CKAP2: variants seen among roughly 807,000 people sequenced by gnomAD.
CKAP2 encodes the protein cytoskeleton associated protein 2.
In CKAP2, 46 loss-of-function variants were observed where a neutral mutation model predicts 58.4. The observed-to-expected ratio is 0.79, with a 90% confidence interval of 0.62 to 1.01. The LOEUF is 1.01. Ranked by LOEUF, CKAP2 falls within the 50% of genes least tolerant of loss-of-function variation. The pLI, the probability that CKAP2 is intolerant of heterozygous loss-of-function variation, is 0.00. For synonymous variants in CKAP2, 293 were observed against 280.9 expected, an observed-to-expected ratio of 1.04 and a Z score of -0.43; for missense variants, 809 against 796.4, an observed-to-expected ratio of 1.02 and a Z score of -0.19.
At chr13:52,472,396 C>G (rs1028430992) in intron 7 of CKAP2, among the ~76,000 whole-genome samples, 1 of 152,190 alleles carries the variant, frequency 6.6e-6, no homozygotes, top group African/African-American at 2.4e-5. Flanking sequence ...ATTCTTTTCT[C>G]TCCTTCAGCT....
intron 2 of CKAP2, among the ~76,000 whole-genome samples, chr13:52,459,872 C>CT (rs932838643): frequency 4.6e-5 from 7 of 151,868 alleles, no homozygotes; most frequent in South Asian, 2.1e-4. Context: ...AACTAACGTT[C>CT]TTTTTTTTGA....
intron 7 of CKAP2, among the ~76,000 whole-genome samples, chr13:52,469,589 A>ATTTTTTTT (rs200067668): frequency 7.1e-6 from 1 of 140,140 alleles, no homozygotes; most frequent in Non-Finnish European, 1.6e-5. Flanking sequence ...TTATTTATTT[A>ATTTTTTTT]TTTATTTATT....
At chr13:52,459,698 A>G (rs1958540175) in intron 2 of CKAP2, among the ~76,000 whole-genome samples, 1 of 152,082 alleles carries the variant, frequency 6.6e-6, no homozygotes, top group Non-Finnish European at 1.5e-5. Flanking sequence ...CTTAAAATCA[A>G]TGGCATGTCT....
chr13:52,471,356 CAT>C (rs1169004421), intron 7 of CKAP2, among the ~76,000 whole-genome samples: 1 of 152,104 alleles, frequency 6.6e-6, no homozygotes, highest in East Asian at 1.9e-4. Flanking sequence ...TAGCAGGTAT[CAT>C]TAGTCTTTAG....
intron 6 of CKAP2, among the ~76,000 whole-genome samples, chr13:52,466,181 A>G (rs1368261519): frequency 6.6e-6 from 1 of 152,134 alleles, no homozygotes; most frequent in African/African-American, 2.4e-5. Flanking sequence ...CTTCTAGCGT[A>G]TTGATACACA....
In CKAP2 at chr13:52,462,495, A is replaced by C. The variant is rs767887956; in HGVS notation, c.1233A>C (p.Glu411Asp). 6.2e-7 allele frequency: 1 copy of C among 1,614,142 alleles called. No individual in the cohort carries two copies. Among genetic ancestry groups the C allele is most frequent in the Admixed American group, 1.7e-5 (1 of 60,016 alleles). Reference sequence around the variant, plus strand: ...GGTCTTTTTGGACTACCATGGCAGAAGAAGATGAACAAAGATTATTTACTG... The same window carrying C: ...GGTCTTTTTGGACTACCATGGCAGACGAAGATGAACAAAGATTATTTACTG... Reference protein sequence around the residue: ...PVGSFWTTMAEEDEQRLFTEK... With the variant: ...PVGSFWTTMADEDEQRLFTEK... The change falls in exon 5 of 9, where the codon GAA becomes GAC. Residue 411 changes from glutamate to aspartate, a missense_variant. This residue lies in a region of CKAP2 where 523 missense variants were observed against 492.4 expected (regional missense o/e 1.06). Coordinates refer to ENST00000258607, the MANE Select transcript of CKAP2 (RefSeq NM_018204.5).
In CKAP2 at chr13:52,462,532, A is replaced by T. The variant is rs1958603155; in HGVS notation, c.1270A>T (p.Asn424Tyr). The T allele has an allele frequency of 1.2e-6, 2 of 1,613,888 alleles. No individual in the cohort carries two copies. ...EQRLFTEKVN[N>Y]TFSECLNLIN... Reference sequence around the variant, plus strand: ...AAGATTATTTACTGAAAAAGTAAACAACACATTTTCTGAATGCCTGAACTT... The same window carrying T: ...AAGATTATTTACTGAAAAAGTAAACTACACATTTTCTGAATGCCTGAACTT... The change falls in exon 5 of 9, where the codon AAC (asparagine) becomes TAC (tyrosine). Residue 424 changes from asparagine to tyrosine, a missense_variant. Transcript: ENST00000258607.
At chr13:52,460,040 G>A (rs1489548664) in intron 2 of CKAP2, among the ~76,000 whole-genome samples, 1 of 151,716 alleles carries the variant, frequency 6.6e-6, no homozygotes, top group Non-Finnish European at 1.5e-5. Context: ...TTATTTTTTT[G>A]TAGAGATGGG....
At position 52,476,160 on chromosome 13, in the gene CKAP2, C is replaced by G. The variant is rs868658925; in HGVS notation, c.*1019C>G. 2.0e-5 allele frequency: 3 copies of G among 152,124 alleles called. No individual in the cohort carries two copies. The highest frequency in any genetic ancestry group is 7.2e-5 in the African/African-American group (3 of 41,428). The allele number at this position is 152,124 out of a possible 1,614,324, so 9.4% of individuals were successfully genotyped here. A position where few individuals can be genotyped will look rare whatever the true frequency, so the allele number is the denominator to read the frequency against. On this transcript the variant is annotated 3_prime_UTR_variant, in exon 9 of 9. Coordinates refer to ENST00000258607, the MANE Select transcript of CKAP2 (RefSeq NM_018204.5). ...ATGGCATATATCAACTCTACAGTTTCAAATAAATGACTTTTTAATTGTAAA... is the reference window on the plus strand; with the variant it reads ...ATGGCATATATCAACTCTACAGTTTGAAATAAATGACTTTTTAATTGTAAA...
chr13:52,465,638 C>G (rs1189123137), intron 6 of CKAP2, 173 bp downstream of exon 6: 2 of 661,694 alleles, frequency 3.0e-6, no homozygotes, highest in Non-Finnish European at 5.4e-6. Flanking sequence ...CTTTCTAAGT[C>G]TTTTATTCCT....
At chr13:52,456,387 A>G (rs1958479708) in intron 1 of CKAP2, 136 bp from the exon 2 acceptor site, 1 of 762,420 alleles carries the variant, frequency 1.3e-6, no homozygotes, top group Non-Finnish European at 2.1e-6. Flanking sequence ...TGAATTGGAG[A>G]ATTTTCTGTT....
Position 52,460,922 on chromosome 13 carries a change from C to G in CKAP2, c.179C>G (p.Ser60Cys). Residue 60 changes from serine to cysteine, a missense_variant, in exon 3 of 9, where the codon TCT becomes TGT. Physicochemically the swap from Ser to Cys is moderately radical, Grantham distance 112. Transcript: ENST00000258607. ...LSSRDQRVVT[S>C]EDQVQEGTKV... ...AGTAGAGATCAGAGAGTTGTGACAT[C>G]TGAGGACCAAGTTCAAGAAGGGACT... The G allele has an allele frequency of 6.2e-7, 1 of 1,613,244 alleles. No homozygotes were observed. The highest frequency in any genetic ancestry group is 8.5e-7 in the Non-Finnish European group (1 of 1,179,852).
In CKAP2 at chr13:52,461,453, C is replaced by G. The variant is rs772673417; in HGVS notation, c.627C>G (p.Ala209=). Residue 209 remains alanine, a synonymous_variant, in exon 4 of 9, where the codon GCC becomes GCG. Transcript: ENST00000258607. ...ESSAATKKLS[A]TIPKATKPQP... ...CTGCAGCAACAAAGAAACTTTCAGC[C>G]ACTATACCTAAAGCCACAAAACCTC... 3.0e-5 allele frequency: 48 copies of G among 1,614,008 alleles called. 1 individual carries two copies. In the Admixed American group the frequency reaches 7.7e-4, roughly 26 times the overall value.
intron 5 of CKAP2, among the ~76,000 whole-genome samples, chr13:52,464,134 C>A (rs865814309): frequency 1.3e-5 from 2 of 152,132 alleles, no homozygotes; most frequent in South Asian, 2.1e-4. Context: ...TTTCTTACAT[C>A]TATTCATTAT....
At chr13:52,460,635 G>A (rs1466896938) in intron 2 of CKAP2, among the ~76,000 whole-genome samples, 1 of 147,350 alleles carries the variant, frequency 6.8e-6, no homozygotes, top group African/African-American at 2.5e-5. Context: ...TGTATTTTTA[G>A]TAGAGACGGG....
Position 52,456,732 on chromosome 13 carries a change from C to T in CKAP2, c.155+125C>T, listed in dbSNP as rs1331565639. The T allele has an allele frequency of 4.3e-6, 3 of 690,702 alleles. No individual in the cohort carries two copies. In the African/African-American group the frequency reaches 5.4e-5, roughly 12 times the overall value. The allele number at this position is 690,702 out of a possible 1,614,324, so 42.8% of individuals were successfully genotyped here. On this transcript the variant is annotated intron_variant, in intron 2 of 8. Transcript: ENST00000258607. ...TAGCCACATTTAGAAAAACTGCTTACATATTATTTTACGTCTTTTTGTGGT... is the reference window on the plus strand; with the variant it reads ...TAGCCACATTTAGAAAAACTGCTTATATATTATTTTACGTCTTTTTGTGGT...
chr13:52,461,812 C>T lies in CKAP2; in HGVS notation c.986C>T (p.Ser329Phe), dbSNP rs1297544187. ...GTTATAGCCAGGCCTGCTTCATTGTCTAATGATAAACTGATGGAAAAGTCA... is the reference window on the plus strand; with the variant it reads ...GTTATAGCCAGGCCTGCTTCATTGTTTAATGATAAACTGATGGAAAAGTCA... Reference protein sequence around the residue: ...SEVIARPASLSNDKLMEKSEP... With the variant: ...SEVIARPASLFNDKLMEKSEP... Residue 329 changes from serine (S) to phenylalanine (F), a missense_variant, in exon 4 of 9, where the codon TCT (serine) becomes TTT (phenylalanine). Around this residue, in one of 3 missense-constraint regions of CKAP2, gnomAD observed 523 missense variants for 492.4 expected, o/e 1.06. Coordinates refer to ENST00000258607, the MANE Select transcript of CKAP2 (RefSeq NM_018204.5). 6.2e-7 allele frequency: 1 copy of T among 1,614,024 alleles called. No homozygotes were observed. The highest frequency in any genetic ancestry group is 8.5e-7 in the Non-Finnish European group (1 of 1,179,940).
Position 52,461,635 on chromosome 13 carries a change from G to A in CKAP2, c.809G>A (p.Gly270Asp), listed in dbSNP as rs761550006. 1.2e-6 allele frequency: 2 copies of A among 1,613,972 alleles called. No individual in the cohort carries two copies. Among genetic ancestry groups the A allele is most frequent in the Non-Finnish European group, 8.5e-7 (1 of 1,180,032 alleles). The change falls in exon 4 of 9, where the codon GGC becomes GAC. Residue 270 changes from glycine to aspartate, a missense_variant. By Grantham distance (94) the Gly-to-Asp change is moderately conservative. Around this residue, in one of 3 missense-constraint regions of CKAP2, gnomAD observed 523 missense variants for 492.4 expected, o/e 1.06. Coordinates refer to ENST00000258607, the MANE Select transcript of CKAP2 (RefSeq NM_018204.5). ...HSNTRDTVKQ[G>D]ISRTSANVTI... ...AATACCCGGGACACTGTGAAACAAG[G>A]CATCAGTAGAACTTCTGCCAATGTT...
At chr13:52,473,381 C>T (rs1264182382) in intron 7 of CKAP2, among the ~76,000 whole-genome samples, 1 of 152,168 alleles carries the variant, frequency 6.6e-6, no homozygotes, top group Admixed American at 6.5e-5. Flanking sequence ...ACCTCCTGCT[C>T]CCACTCCTAA....
Sources: gnomAD v4.1 joint callset for allele counts (sites outside exome capture counted in the v4.1 genomes callset) on GRCh38, gnomAD v4.1.1 for gene constraint, gnomAD v4.1.1 regional missense constraint, MANE v1.5 for transcripts, NCBI Gene and HGNC (gene_info 2026-07-23, HGNC 2026-07-21) for gene names.